ELMOD3: variants seen among roughly 807,000 people sequenced by gnomAD.
The protein encoded by ELMOD3 is ELMO domain-containing protein 3.
Under a neutral mutation model 47.4 loss-of-function variants are expected in ELMOD3, and 36 were observed. That is an observed-to-expected ratio of 0.76 (90% CI 0.58 to 1.00). ELMOD3 has a LOEUF of 1.00. ELMOD3 is among the 50% of genes least tolerant of loss of function. ELMOD3 has a pLI of 0.00. For missense variants in ELMOD3, 404 were observed against 463.8 expected (o/e 0.87, Z 1.18); for synonymous variants, 149 against 183.5 (o/e 0.81, Z 1.52).
At chr2:85,368,885 A>G in intron 7 of ELMOD3, 131 bp downstream of exon 7, 2 of 889,440 alleles carry the variant, frequency 2.2e-6, no homozygotes, top group Admixed American at 2.1e-5. Flanking sequence ...TTTTAACTAT[A>G]TAACATAGAT....
intron 5 of ELMOD3, among the ~76,000 whole-genome samples, chr2:85,362,782 G>T (rs535701245): frequency 2.0e-5 from 3 of 152,282 alleles, no homozygotes; most frequent in Non-Finnish European, 2.9e-5. Flanking sequence ...GCTGGGTGTG[G>T]TGATGCACAC....
At chr2:85,368,663 C>T in intron 6 of ELMOD3, 23 bp from the exon 7 acceptor site, 1 of 1,613,402 alleles carries the variant, frequency 6.2e-7, no homozygotes, top group Non-Finnish European at 8.5e-7. Context: ...CTCAGAGGGT[C>T]TCCTTTTCTC....
In ELMOD3 at chr2:85,390,608, C is replaced by T. The variant is rs565989926; in HGVS notation, c.944-152C>T. The T allele has an allele frequency of 2.0e-6, 3 of 1,518,680 alleles. No individual in the cohort carries two copies. The Admixed American group carries it at 6.7e-5, about 34-fold the overall frequency. The allele number at this position is 1,518,680 out of a possible 1,614,324, so 94.1% of individuals were successfully genotyped here. On this transcript the variant is annotated intron_variant, in intron 13 of 13. Coordinates refer to ENST00000409013, the MANE Select transcript of ELMOD3 (RefSeq NM_001135022.2). ...CTGTAGCTGGCTCCCTAGCCTACCT[C>T]TCTGGTGATCTCTCCATCTGAGGCT...
intron 11 of ELMOD3, among the ~76,000 whole-genome samples, chr2:85,389,341 C>A (rs1053338167): frequency 6.6e-6 from 1 of 152,090 alleles, no homozygotes; most frequent in Non-Finnish European, 1.5e-5. Context: ...ACTTTAAGAA[C>A]CCGTAGGGCT....
chr2:85,389,916 C>A, intron 12 of ELMOD3, 89 bp downstream of exon 12: 5 of 1,266,694 alleles, frequency 3.9e-6, no homozygotes, highest in Non-Finnish European at 4.6e-6. Flanking sequence ...CTCTACTCCA[C>A]CTGCTGGCTC....
chr2:85,363,458 G>GA (rs1458256580), intron 6 of ELMOD3, among the ~76,000 whole-genome samples: 2 of 152,162 alleles, frequency 1.3e-5, no homozygotes, highest in Admixed American at 1.3e-4. Flanking sequence ...CACAATATAG[G>GA]AAAAGCCTTT....
chr2:85,381,816 C>T (rs1467805312), intron 11 of ELMOD3, among the ~76,000 whole-genome samples: 2 of 152,040 alleles, frequency 1.3e-5, no homozygotes, highest in Non-Finnish European at 1.5e-5. Context: ...GCTTTAATTG[C>T]TGTCAATGTT....
rs111946526 is a variant in ELMOD3, at chr2:85,368,968, A to G, written c.268+214A>G. 0.011 allele frequency among the ~76,000 whole-genome samples: 1,624 copies of G among 152,306 alleles called. 24 individuals are homozygous for G. Among genetic ancestry groups the G allele is most frequent in the African/African-American group, 0.038 (1,571 of 41,548 alleles). On this transcript the variant is annotated intron_variant, in intron 7 of 13. Transcript: ENST00000409013. ...GGAAACCAGAGTGAAGGCCATGGAG[A>G]AAGGGCTGCCATCCCTGTCCATCTT...
At chr2:85,387,396 T>A (rs1387622075) in intron 11 of ELMOD3, among the ~76,000 whole-genome samples, 1 of 152,012 alleles carries the variant, frequency 6.6e-6, no homozygotes, top group African/African-American at 2.4e-5. Flanking sequence ...GCGCAGTGGC[T>A]CATGCCTGTA....
chr2:85,358,173 G>T (rs1683691971), intron 4 of ELMOD3, among the ~76,000 whole-genome samples: 1 of 151,568 alleles, frequency 6.6e-6, no homozygotes, highest in African/African-American at 2.4e-5. Context: ...CAGCTACTCA[G>T]GAAGCTGAGG....
chr2:85,391,242 C>A lies in ELMOD3; in HGVS notation c.*280C>A. 2.6e-6 allele frequency: 1 copy of A among 390,734 alleles called. No individual in the cohort carries two copies. The highest frequency in any genetic ancestry group is 4.7e-6 in the Non-Finnish European group (1 of 211,386). 24.2% of individuals were successfully genotyped at this position (390,734 alleles called of 1,614,324 possible). On this transcript the variant is annotated 3_prime_UTR_variant, in exon 14 of 14. Transcript: ENST00000409013. ...TCTCCGGGTTGAATTCCAGTGTATC[C>A]CACTGGGAGTGAATGGATCATGAGG...
intron 12 of ELMOD3, 120 bp downstream of exon 12, chr2:85,389,947 C>T (rs529894554): frequency 1.8e-6 from 2 of 1,087,780 alleles, no homozygotes; most frequent in East Asian, 2.4e-5. Flanking sequence ...TGGACAAAGT[C>T]CCCATGCACC....
rs867831354 is a variant in ELMOD3, at chr2:85,371,041, G to A, written c.361-45G>A. 6.3e-6 allele frequency: 10 copies of A among 1,599,422 alleles called. No individual in the cohort carries two copies. The African/African-American group carries it at 1.1e-4, about 17-fold the overall frequency. The stretch of plus-strand genomic sequence containing the variant: ...GAGCCTGATGGGAAGTTGATTAAGG[G>A]AAATGAACCAGCATTCTGCCCATTG... On this transcript the variant is annotated intron_variant, in intron 8 of 13. Transcript: ENST00000409013.
At chr2:85,366,124 A>ATTTTTTT (rs566714087) in intron 6 of ELMOD3, among the ~76,000 whole-genome samples, 12 of 135,618 alleles carry the variant, frequency 8.8e-5, no homozygotes, top group Non-Finnish European at 7.9e-5. Context: ...TACCCAGCTA[A>ATTTTTTT]TTTTTTTTTT....
intron 10 of ELMOD3, among the ~76,000 whole-genome samples, chr2:85,375,113 G>A (rs1236029031): frequency 6.6e-6 from 1 of 152,054 alleles, no homozygotes; most frequent in African/African-American, 2.4e-5. Flanking sequence ...CTTTGTCTTT[G>A]GTTTTCAGGA....
At chr2:85,382,014 G>T (rs573933722) in intron 11 of ELMOD3, among the ~76,000 whole-genome samples, 2 of 150,144 alleles carry the variant, frequency 1.3e-5, no homozygotes, top group South Asian at 4.2e-4. Flanking sequence ...CTACTCGGGA[G>T]GCTGAGGCAG....
chr2:85,366,861 A>G (rs532066542), intron 6 of ELMOD3, among the ~76,000 whole-genome samples: 1 of 152,242 alleles, frequency 6.6e-6, no homozygotes, highest in South Asian at 2.1e-4. Context: ...GTCCCAACCT[A>G]CTATACCACC....
chr2:85,366,176 G>A (rs927093007), intron 6 of ELMOD3, among the ~76,000 whole-genome samples: 4 of 133,730 alleles, frequency 3.0e-5, no homozygotes, highest in Non-Finnish European at 4.7e-5. Flanking sequence ...TCACCATGTT[G>A]GCCAGGCTGG....
intron 11 of ELMOD3, among the ~76,000 whole-genome samples, chr2:85,383,328 C>T (rs1685720002): frequency 6.6e-6 from 1 of 150,522 alleles, no homozygotes; most frequent in African/African-American, 2.4e-5. Flanking sequence ...AGGGTTTCAC[C>T]ATATCATATT....
Sources: allele counts gnomAD v4.1 joint callset (sites outside exome capture counted in the v4.1 genomes callset), GRCh38; gene constraint gnomAD v4.1.1; transcripts MANE v1.5; gene names NCBI Gene and HGNC (gene_info 2026-07-23, HGNC 2026-07-21).